Variants in ERC2 observed in about 807,000 individuals in gnomAD.
The protein encoded by ERC2 is ELKS/RAB6-interacting/CAST family member 2, also known as ERC protein 2.
In ERC2, 42 loss-of-function variants were observed where a neutral mutation model predicts 114.8. The observed-to-expected ratio is 0.37, with a 90% CI of 0.29 to 0.47. The LOEUF (loss-of-function observed/expected upper bound fraction) is 0.47, where lower values mean the gene tolerates loss of function less well. ERC2 is among the 20% of genes least tolerant of loss of function. The pLI, the probability that ERC2 is intolerant of heterozygous loss-of-function variation, is 0.99. For missense variants in ERC2, 939 were observed against 1,150.7 expected (o/e 0.82, Z 2.66); for synonymous variants, 454 against 425.5 (o/e 1.07, Z -0.82).
chr3:56,363,831 G>A (rs1247688673), intron 2 of ERC2, among the ~76,000 whole-genome samples: 9 of 133,120 alleles, frequency 6.8e-5, no homozygotes, highest in South Asian at 3.0e-4. Flanking sequence ...GGGAGGGAGG[G>A]AGGGAGAGAG....
At chr3:56,279,443 G>A (rs564375015) in intron 3 of ERC2, among the ~76,000 whole-genome samples, 47 of 152,338 alleles carry the variant, frequency 3.1e-4, no homozygotes, top group African/African-American at 1.1e-3. Flanking sequence ...GCTGAATATT[G>A]TAGGACAAGT....
chr3:55,771,474 AAAGTT>A (rs2068196719), intron 14 of ERC2, among the ~76,000 whole-genome samples: 1 of 152,224 alleles, frequency 6.6e-6, no homozygotes, highest in African/African-American at 2.4e-5. Flanking sequence ...GAGTTAGACA[AAAGTT>A]AGTAAGAAGT....
intron 3 of ERC2, among the ~76,000 whole-genome samples, chr3:56,277,496 C>G (rs2054079393): frequency 6.6e-6 from 1 of 152,140 alleles, no homozygotes; most frequent in South Asian, 2.1e-4. Context: ...GTCCCCAAAG[C>G]TGAAAACTCC....
chr3:55,836,447 C>A (rs1318567732), intron 14 of ERC2, among the ~76,000 whole-genome samples: 2 of 152,136 alleles, frequency 1.3e-5, no homozygotes, highest in African/African-American at 4.8e-5. Flanking sequence ...AGAAATAATG[C>A]CGCTTATCTA....
chr3:56,238,322 C>T lies in ERC2; in HGVS notation c.1074+57697G>A, dbSNP rs957027434. On this transcript the variant is annotated intron_variant, in intron 3 of 17. Transcript: ENST00000288221. ...GAAGTAGACAGGATCCCCCAGATAA[C>T]TCTGTTGTCTCCCTTCTCCTTGTTC... Among the ~76,000 whole-genome samples the T allele has an allele frequency of 4.6e-5, 7 of 152,202 alleles. No homozygotes were observed. The South Asian group carries it at 6.2e-4, about 13-fold the overall frequency.
chr3:56,078,053 C>A lies in ERC2; in HGVS notation c.1641+2764G>T, dbSNP rs149589210. ...AAAATCTTCTTCTGAATCCTTAGAA[C>A]ATGCTCCAAGACAGGCTACTATAAC... On this transcript the variant is annotated intron_variant, in intron 7 of 17. Coordinates refer to ENST00000288221, the MANE Select transcript of ERC2 (RefSeq NM_015576.3). Among the ~76,000 whole-genome samples the A allele has an allele frequency of 3.2e-3, 483 of 152,284 alleles. 2 individuals are homozygous for A. The highest frequency in any genetic ancestry group is 0.01 in the Middle Eastern group (3 of 294).
chr3:55,885,972 C>G (rs561692803), intron 14 of ERC2, among the ~76,000 whole-genome samples: 70 of 152,292 alleles, frequency 4.6e-4, no homozygotes, highest in African/African-American at 1.6e-3. Flanking sequence ...CTTGTTCTCT[C>G]AAAATGTTGA....
intron 2 of ERC2, among the ~76,000 whole-genome samples, chr3:56,342,675 G>A (rs191127302): frequency 1.9e-4 from 29 of 152,294 alleles, no homozygotes; most frequent in African/African-American, 7.0e-4. Flanking sequence ...ACATGATTCT[G>A]CCAGGTGTGT....
intron 3 of ERC2, among the ~76,000 whole-genome samples, chr3:56,255,044 T>C (rs775837189): frequency 9.9e-5 from 15 of 152,210 alleles, no homozygotes; most frequent in Admixed American, 5.9e-4. Flanking sequence ...AGTTCACAAT[T>C]CTTATTTCCA....
intron 4 of ERC2, among the ~76,000 whole-genome samples, chr3:56,152,836 T>C (rs568285952): frequency 6.6e-6 from 1 of 152,302 alleles, no homozygotes; most frequent in South Asian, 2.1e-4. Flanking sequence ...TAAAGATTCA[T>C]ACCCAAGACT....
At chr3:56,358,660 C>A (rs977607779) in intron 2 of ERC2, among the ~76,000 whole-genome samples, 1 of 152,228 alleles carries the variant, frequency 6.6e-6, no homozygotes, top group Non-Finnish European at 1.5e-5. Context: ...GGGCCTAAAG[C>A]CAGATTCCTC....
intron 14 of ERC2, among the ~76,000 whole-genome samples, chr3:55,758,113 C>T (rs530946132): frequency 3.3e-5 from 5 of 152,208 alleles, no homozygotes; most frequent in South Asian, 2.1e-4. Context: ...TGAATTGTGC[C>T]AGGTGATTCC....
At chr3:55,537,451 T>G (rs960151553) in intron 17 of ERC2, among the ~76,000 whole-genome samples, 9 of 152,180 alleles carry the variant, frequency 5.9e-5, no homozygotes, top group Admixed American at 5.9e-4. Context: ...CAAAGGTCAG[T>G]TGAGTAAATG....
intron 7 of ERC2, among the ~76,000 whole-genome samples, chr3:56,035,288 A>G (rs934610042): frequency 6.6e-6 from 1 of 152,216 alleles, no homozygotes; most frequent in African/African-American, 2.4e-5. Context: ...GAAATAGAAA[A>G]TCTAAACAGA....
At chr3:56,026,057 C>CTTTTTTTTTTT (rs59635680) in intron 7 of ERC2, among the ~76,000 whole-genome samples, 7 of 69,192 alleles carry the variant, frequency 1.0e-4, no homozygotes, top group Non-Finnish European at 1.3e-4. Context: ...CCGTTTCTTT[C>CTTTTTTTTTTT]TTTTTTTTTT....
chr3:55,547,740 A>G (rs1258417260), intron 17 of ERC2, among the ~76,000 whole-genome samples: 1 of 152,224 alleles, frequency 6.6e-6, no homozygotes, highest in African/African-American at 2.4e-5. Flanking sequence ...AATATAGGGA[A>G]TGAAGCTTGG....
intron 17 of ERC2, among the ~76,000 whole-genome samples, chr3:55,549,930 AAG>A (rs372694701): frequency 0.36 from 33,527 of 93,788 alleles, 5,016 homozygotes; most frequent in Middle Eastern, 0.46. Context: ...CGACACACAC[AAG>A]AGAGAGAGAG....
intron 2 of ERC2, among the ~76,000 whole-genome samples, chr3:56,356,546 G>A (rs957372755): frequency 6.6e-6 from 1 of 152,190 alleles, no homozygotes; most frequent in East Asian, 1.9e-4. Context: ...CCTCCCAGGA[G>A]TTAGCCCTCT....
At chr3:55,543,435 G>A (rs534055245) in intron 17 of ERC2, among the ~76,000 whole-genome samples, 1 of 152,332 alleles carries the variant, frequency 6.6e-6, no homozygotes, top group Admixed American at 6.5e-5. Context: ...ATAAAGATGA[G>A]TGAGTGGCCA....
Sources: allele counts gnomAD v4.1 joint callset (sites outside exome capture counted in the v4.1 genomes callset), GRCh38; gene constraint gnomAD v4.1.1; transcripts MANE v1.5; gene names NCBI Gene and HGNC (gene_info 2026-07-23, HGNC 2026-07-21).